The following PUM3 variants were observed in gnomAD, a reference collection of about 807,000 sequenced individuals.
PUM3 encodes pumilio RNA binding family member 3, also known as pumilio homolog 3.
Under a neutral mutation model 84.0 loss-of-function variants are expected in PUM3, and 91 were observed. That is an observed-to-expected ratio of 1.08 (90% CI 0.91 to 1.29). The LOEUF (loss-of-function observed/expected upper bound fraction) is 1.29. PUM3 is among the 50% of genes most tolerant of loss of function. The probability of loss-of-function intolerance (pLI) is 0.00; values close to 1 mark genes in which losing one functional copy is unlikely to be tolerated. For synonymous variants in PUM3, 321 were observed against 266.7 expected (o/e 1.20, Z -1.98); for missense variants, 1,067 against 767.5 (o/e 1.39, Z -4.61).
intron 8 of PUM3, 69 bp from the exon 9 acceptor site, chr9:2,828,847 G>C: frequency 1.2e-6 from 1 of 850,056 alleles, no homozygotes; most frequent in South Asian, 1.4e-5. Flanking sequence ...AAAAAGAAAA[G>C]TAATTAGTCA....
chr9:2,833,490 C>T, intron 4 of PUM3, 58 bp from the exon 5 acceptor site: 1 of 982,332 alleles, frequency 1.0e-6, no homozygotes. Flanking sequence ...TTTAAACACA[C>T]AAAATTAAAA....
Position 2,823,837 on chromosome 9 carries a change from TA to T in PUM3, c.1135-4del, listed in dbSNP as rs1563830625. ...GTTTTCACAATCACTTTCCTGTCCTTAAAAAGGAAAGATTGTCTCACTGAAT... is the reference window on the plus strand; with the variant it reads ...GTTTTCACAATCACTTTCCTGTCCTTAAAAGGAAAGATTGTCTCACTGAAT... On this transcript the variant is annotated splice_region_variant and splice_polypyrimidine_tract_variant and intron_variant, in intron 11 of 17. Transcript: ENST00000397885. 1.3e-6 allele frequency: 2 copies of T among 1,513,792 alleles called. No homozygotes were observed. The highest frequency in any genetic ancestry group is 1.8e-6 in the Non-Finnish European group (2 of 1,110,602). 93.8% of individuals were successfully genotyped at this position (1,513,792 alleles called of 1,614,324 possible).
At chr9:2,824,936 G>C in intron 10 of PUM3, 121 bp from the exon 11 acceptor site, 4 of 481,412 alleles carry the variant, frequency 8.3e-6, no homozygotes, top group Non-Finnish European at 1.0e-5. Context: ...GTGCCAGGTA[G>C]CAAACAATTT....
In PUM3 at chr9:2,812,353, T is replaced by G; in HGVS notation, c.1279A>C (p.Ser427Arg). The G allele has an allele frequency of 6.4e-7, 1 of 1,566,318 alleles. No homozygotes were observed. The highest frequency in any genetic ancestry group is 8.7e-7 in the Non-Finnish European group (1 of 1,146,918). Reference sequence around the variant, plus strand: ...TCATTTACTATGCTAGGCAATGAACTGATAATTTCCTATAAAATTATAAAC... The same window carrying G: ...TCATTTACTATGCTAGGCAATGAACGGATAATTTCCTATAAAATTATAAAC... ...VKQIIISEII[S>R]SLPSIVNDKY... Residue 427 changes from serine (S) to arginine (R), a missense_variant, in exon 14 of 18, where the codon AGT becomes CGT. Physicochemically the swap from Ser to Arg is moderately radical, Grantham distance 110. Coordinates refer to ENST00000397885, the MANE Select transcript of PUM3 (RefSeq NM_014878.5).
chr9:2,821,939 G>A (rs1586722520), intron 12 of PUM3, among the ~76,000 whole-genome samples: 2 of 152,212 alleles, frequency 1.3e-5, no homozygotes, highest in Middle Eastern at 6.8e-3. Flanking sequence ...AGAAAAGTGA[G>A]GTAGACAGAT....
At chr9:2,834,615 C>G (rs1477377386) in intron 3 of PUM3, among the ~76,000 whole-genome samples, 1 of 152,138 alleles carries the variant, frequency 6.6e-6, no homozygotes, top group Non-Finnish European at 1.5e-5. Flanking sequence ...TCACTTATTT[C>G]TTACAACAAC....
At chr9:2,807,600 CA>C (rs71329449) in intron 17 of PUM3, among the ~76,000 whole-genome samples, 1,070 of 66,978 alleles carry the variant, frequency 0.016, 2 homozygotes, top group African/African-American at 0.066. Context: ...GACTCCATCT[CA>C]AAAAAAAAAA....
At chr9:2,804,882 A>T (rs1162906095) in intron 17 of PUM3, among the ~76,000 whole-genome samples, 1 of 152,200 alleles carries the variant, frequency 6.6e-6, no homozygotes, top group Non-Finnish European at 1.5e-5. Context: ...GACAGCCAAA[A>T]TATGCCCACC....
Position 2,837,197 on chromosome 9 carries a change from G to C in PUM3, c.287C>G (p.Pro96Arg). Residue 96 changes from proline (P) to arginine (R), a missense_variant, in exon 3 of 18, where the codon CCA becomes CGA. Transcript: ENST00000397885. ...NKFNKKRKFQ[P>R]DGRSDESAAK... is the part of the protein sequence containing the mutation. ...GTACTTACCATCGCTTCTACCATCTGGCTGGAATTTTCTCTTCTTGTTGAA... is the reference window on the plus strand; with the variant it reads ...GTACTTACCATCGCTTCTACCATCTCGCTGGAATTTTCTCTTCTTGTTGAA... 1 of 1,613,988 alleles carries C rather than the reference G, an allele frequency of 6.2e-7. No individual in the cohort carries two copies. The highest frequency in any genetic ancestry group is 8.5e-7 in the Non-Finnish European group (1 of 1,179,904).
intron 13 of PUM3, among the ~76,000 whole-genome samples, chr9:2,817,990 A>G (rs557986701): frequency 6.6e-6 from 1 of 152,372 alleles, no homozygotes; most frequent in African/African-American, 2.4e-5. Context: ...GGAAAGTAGT[A>G]AGAAAGAGCT....
chr9:2,828,454 T>A, intron 9 of PUM3: 1 of 446,164 alleles, frequency 2.2e-6, no homozygotes, highest in Admixed American at 3.9e-5. Flanking sequence ...AGCTCATAAA[T>A]CACGAATGCA....
intron 9 of PUM3, 164 bp downstream of exon 9, chr9:2,828,511 C>A: frequency 1.8e-6 from 1 of 565,144 alleles, no homozygotes; most frequent in South Asian, 2.4e-5. Flanking sequence ...AAGAAATCTC[C>A]TTTTGCACCA....
At chr9:2,830,929 G>C in intron 7 of PUM3, 33 bp downstream of exon 7, 1 of 1,107,008 alleles carries the variant, frequency 9.0e-7, no homozygotes, top group East Asian at 2.4e-5. Flanking sequence ...AAAAGACAAA[G>C]AAAAAATGTA....
At chr9:2,818,508 T>C (rs1821519483) in intron 13 of PUM3, among the ~76,000 whole-genome samples, 1 of 152,244 alleles carries the variant, frequency 6.6e-6, no homozygotes. Context: ...TTAGTTGTCG[T>C]GAAAATATTA....
At chr9:2,809,976 T>A (rs1266953138) in intron 16 of PUM3, among the ~76,000 whole-genome samples, 2 of 152,020 alleles carry the variant, frequency 1.3e-5, no homozygotes, top group East Asian at 3.9e-4. Context: ...GAGGTAATGA[T>A]ACTCAACAAT....
intron 8 of PUM3, among the ~76,000 whole-genome samples, chr9:2,829,415 C>T (rs1206035162): frequency 6.6e-6 from 1 of 152,176 alleles, no homozygotes; most frequent in Admixed American, 6.5e-5. Flanking sequence ...CAACAGAGAG[C>T]CCAATACACT....
intron 1 of PUM3, among the ~76,000 whole-genome samples, chr9:2,839,414 A>G (rs191397525): frequency 1.3e-4 from 20 of 152,354 alleles, no homozygotes; most frequent in Admixed American, 1.1e-3. Flanking sequence ...ATAAGAGAAA[A>G]GAAGGGTTCT....
chr9:2,807,725 C>G, intron 17 of PUM3, 89 bp downstream of exon 17: 1 of 785,904 alleles, frequency 1.3e-6, no homozygotes, highest in Non-Finnish European at 2.1e-6. Flanking sequence ...CTACTGAGAA[C>G]AAATATTAGA....
intron 14 of PUM3, among the ~76,000 whole-genome samples, chr9:2,811,840 C>CAAAA (rs60586864): frequency 9.9e-6 from 1 of 101,182 alleles, no homozygotes; most frequent in East Asian, 2.8e-4. Context: ...TGTGTAATAC[C>CAAAA]AAAAAAAAAA....
Sources: gnomAD v4.1 joint callset for allele counts (sites outside exome capture counted in the v4.1 genomes callset) on GRCh38, gnomAD v4.1.1 for gene constraint, MANE v1.5 for transcripts, NCBI Gene and HGNC (gene_info 2026-07-23, HGNC 2026-07-21) for gene names.